ZBTB21: variants seen among roughly 807,000 people sequenced by gnomAD.
The protein encoded by ZBTB21 is zinc finger and BTB domain-containing protein 21.
In ZBTB21, 10 loss-of-function variants were observed where a neutral mutation model predicts 39.8. That is an observed-to-expected ratio of 0.25 (90% CI 0.16 to 0.43). ZBTB21 has a LOEUF of 0.43. Ranked by LOEUF, ZBTB21 falls within the 20% of genes least tolerant of loss-of-function variation. The pLI is 1.00. For missense variants in ZBTB21, 1,221 were observed against 1,296.3 expected (o/e 0.94, Z 0.89); for synonymous variants, 551 against 498.8 (o/e 1.10, Z -1.40).
chr21:41,993,350 C>T lies in ZBTB21; in HGVS notation c.746G>A (p.Arg249Lys). Residue 249 changes from arginine (R) to lysine (K), a missense_variant, in exon 3 of 3, where the codon AGA (arginine) becomes AAA (lysine). Physicochemically the swap from Arg to Lys is conservative, Grantham distance 26. This residue lies in a region of ZBTB21 where 500 missense variants were observed against 465.6 expected (regional missense o/e 1.07). Coordinates refer to ENST00000310826, the MANE Select transcript of ZBTB21 (RefSeq NM_001098402.2). ...ACCTGGTTTATCATCCATAGCTTCT[C>T]TGTCTTGCAGAGGCTTTGAAGGCAA... ...AVLPSKPLQD[R>K]EAMDDKPGVS... The T allele has an allele frequency of 6.2e-7, 1 of 1,613,796 alleles. No individual in the cohort carries two copies. The highest frequency in any genetic ancestry group is 8.5e-7 in the Non-Finnish European group (1 of 1,179,924).
At chr21:41,996,429 C>T (rs1169656188) in intron 2 of ZBTB21, among the ~76,000 whole-genome samples, 2 of 152,202 alleles carry the variant, frequency 1.3e-5, no homozygotes, top group African/African-American at 4.8e-5. Context: ...GAATTCTGGA[C>T]TTGCACCGGG....
intron 1 of ZBTB21, among the ~76,000 whole-genome samples, chr21:42,006,212 C>T (rs182788664): frequency 7.3e-4 from 111 of 152,074 alleles, no homozygotes; most frequent in African/African-American, 2.6e-3. Flanking sequence ...GTCAGGAGTT[C>T]GAGACCAGCC....
Position 41,994,063 on chromosome 21 carries a change from T to A in ZBTB21, c.33A>T (p.Ala11=). The change falls in exon 3 of 3, where the codon GCA becomes GCT. Residue 11 remains alanine, a synonymous_variant. Transcript: ENST00000310826. The part of the protein sequence containing the change: MEGLLHYINP[A]HAISLLSALN... The stretch of plus-strand genomic sequence containing the variant: ...GGGCACTTAGGAGAGAAATGGCGTG[T>A]GCAGGGTTGATGTAATGCAGTAATC... 6.2e-7 allele frequency: 1 copy of A among 1,608,424 alleles called. No homozygotes were observed.
In ZBTB21 at chr21:41,993,647, A is replaced by G; in HGVS notation, c.449T>C (p.Ile150Thr). 6.2e-7 allele frequency: 1 copy of G among 1,614,232 alleles called. No individual in the cohort carries two copies. The highest frequency in any genetic ancestry group is 1.3e-5 in the African/African-American group (1 of 75,058). Residue 150 changes from isoleucine (I) to threonine (T), a missense_variant, in exon 3 of 3, where the codon ATT becomes ACT. This residue lies in a region of ZBTB21 where 500 missense variants were observed against 465.6 expected (regional missense o/e 1.07). Coordinates refer to ENST00000310826, the MANE Select transcript of ZBTB21 (RefSeq NM_001098402.2). ...DENSSQKRSV[I>T]VCQSRNEAQG... ...CGCTTCGTTTCTACTTTGACAAACA[A>G]TGACACTTCTCTTTTGAGAACTGTT...
rs1339792212 is a variant in ZBTB21 at position 41,987,399 on chromosome 21, C to CA, written c.*3495dup. On this transcript the variant is annotated 3_prime_UTR_variant, in exon 3 of 3. Coordinates refer to ENST00000310826, the MANE Select transcript of ZBTB21 (RefSeq NM_001098402.2). ...CACTGAAAGAGCATATTAAAAATTA[C>CA]AAAAAATTAAACTTCTTAAAGTGCT... The CA allele has an allele frequency of 6.6e-6, 1 of 151,956 alleles. No homozygotes were observed. Among genetic ancestry groups the CA allele is most frequent in the East Asian group, 1.9e-4 (1 of 5,192 alleles). 9.4% of individuals were successfully genotyped at this position (151,956 alleles called of 1,614,324 possible).
intron 1 of ZBTB21, among the ~76,000 whole-genome samples, chr21:42,009,979 T>C (rs2065940774): frequency 6.6e-6 from 1 of 152,194 alleles, no homozygotes; most frequent in Admixed American, 6.5e-5. Flanking sequence ...GAATGGAGCA[T>C]GCGCATTCGC....
At chr21:42,000,593 CA>C (rs2065806213) in intron 2 of ZBTB21, among the ~76,000 whole-genome samples, 1 of 152,180 alleles carries the variant, frequency 6.6e-6, no homozygotes, top group Non-Finnish European at 1.5e-5. Context: ...GCCAAAAAAG[CA>C]ACATTTGTGT....
intron 1 of ZBTB21, among the ~76,000 whole-genome samples, chr21:42,004,005 T>G (rs112294475): frequency 4.7e-4 from 11 of 23,596 alleles, no homozygotes; most frequent in Non-Finnish European, 8.1e-4. Flanking sequence ...ATCTCACATC[T>G]TTTTTTTTTT....
rs1166673405 is a variant in ZBTB21 at position 41,988,530 on chromosome 21, CAT to C, written c.*2363_*2364del. 5 of 151,894 alleles carry C rather than the reference CAT, an allele frequency of 3.3e-5. No homozygotes were observed. The highest frequency in any genetic ancestry group is 7.2e-5 in the African/African-American group (3 of 41,430). The allele number at this position is 151,894 out of a possible 1,614,324, so 9.4% of individuals were successfully genotyped here. A position where few individuals can be genotyped will look rare whatever the true frequency, so the allele number is the denominator to read the frequency against. ...TACTTCTTAACATTTAAAATAGTTA[CAT>C]GAGTGGAAGCATATTTTTTTTGACC... On this transcript the variant is annotated 3_prime_UTR_variant, in exon 3 of 3. Coordinates refer to ENST00000310826, the MANE Select transcript of ZBTB21 (RefSeq NM_001098402.2).
intron 2 of ZBTB21, among the ~76,000 whole-genome samples, chr21:41,994,361 A>G (rs2065717609): frequency 6.6e-6 from 1 of 152,232 alleles, no homozygotes; most frequent in African/African-American, 2.4e-5. Context: ...TATATCATCA[A>G]AAAGGCTGCC....
chr21:42,008,893 T>C (rs1280011068), intron 1 of ZBTB21, among the ~76,000 whole-genome samples: 2 of 152,220 alleles, frequency 1.3e-5, no homozygotes, highest in East Asian at 3.8e-4. Context: ...TGACTACTAG[T>C]CCTTAGAGAT....
Position 41,991,061 on chromosome 21 carries a change from G to A in ZBTB21, c.3035C>T (p.Thr1012Ile), listed in dbSNP as rs749920367. Residue 1012 changes from threonine to isoleucine, a missense_variant, in exon 3 of 3, where the codon ACT becomes ATT. Transcript: ENST00000310826. The surrounding 1 kb of genome is among the most constrained non-coding windows in gnomAD (Gnocchi z 4.9). Reference sequence around the variant, plus strand: ...CACAAACAGTTTTTCTGTGGCTGGAGTTGGGTTTTCGGACAGGCCTGTGGG... The same window carrying A: ...CACAAACAGTTTTTCTGTGGCTGGAATTGGGTTTTCGGACAGGCCTGTGGG... ...DSPTGLSENP[T>I]PATEKLFVPQ... The A allele has an allele frequency of 1.3e-5, 21 of 1,594,176 alleles. No homozygotes were observed. The African/African-American group carries it at 2.6e-4, about 19-fold the overall frequency.
chr21:42,001,259 C>G (rs2065814249), intron 2 of ZBTB21, among the ~76,000 whole-genome samples: 1 of 152,212 alleles, frequency 6.6e-6, no homozygotes, highest in African/African-American at 2.4e-5. Flanking sequence ...ATCTTCTGAA[C>G]TAGACAGTGT....
Position 41,991,871 on chromosome 21 carries a change from C to T in ZBTB21, c.2225G>A (p.Arg742Gln), listed in dbSNP as rs756776510. Reference sequence around the variant, plus strand: ...GCAGACGGCCGCGTTCCGGCACAGCCGCTCGTGGCTTCCTTGCTCTAGGAG... The same window carrying T: ...GCAGACGGCCGCGTTCCGGCACAGCTGCTCGTGGCTTCCTTGCTCTAGGAG... Reference protein sequence around the residue: ...SSLLEQGSHERLCRNAAVCPY... With the variant: ...SSLLEQGSHEQLCRNAAVCPY... Residue 742 changes from arginine to glutamine, a missense_variant, in exon 3 of 3, where the codon CGG (arginine) becomes CAG (glutamine). Arg to Gln is a conservative substitution (Grantham distance 43). Around this residue, in one of 4 missense-constraint regions of ZBTB21, gnomAD observed 523 missense variants for 542.5 expected, o/e 0.96. Transcript: ENST00000310826. This position sits in a 1 kb window ranked among gnomAD's most constrained non-coding sequence, Gnocchi z 4.9. 8.7e-6 allele frequency: 14 copies of T among 1,614,070 alleles called. No individual in the cohort carries two copies. Among genetic ancestry groups the T allele is most frequent in the East Asian group, 6.7e-5 (3 of 44,894 alleles).
Position 41,992,885 on chromosome 21 carries a change from G to T in ZBTB21, c.1211C>A (p.Pro404Gln), listed in dbSNP as rs769792057. 6.2e-7 allele frequency: 1 copy of T among 1,614,150 alleles called. No individual in the cohort carries two copies. The highest frequency in any genetic ancestry group is 1.3e-5 in the African/African-American group (1 of 75,016). ...AGCACTAAAGGACCTGAGGCGATGCGGTTGTAGCACTTGAGGCCTGTCATC... is the reference window on the plus strand; with the variant it reads ...AGCACTAAAGGACCTGAGGCGATGCTGTTGTAGCACTTGAGGCCTGTCATC... ...ALDDRPQVLQ[P>Q]HRLRSFSASQ... The change falls in exon 3 of 3, where the codon CCG becomes CAG. Residue 404 changes from proline to glutamine, a missense_variant. By Grantham distance (76) the Pro-to-Gln change is moderately conservative (BLOSUM62 -1). Transcript: ENST00000310826. The surrounding 1 kb of genome is among the most constrained non-coding windows in gnomAD (Gnocchi z 4.1).
chr21:41,998,835 C>T (rs1046033170), intron 2 of ZBTB21, among the ~76,000 whole-genome samples: 1 of 152,194 alleles, frequency 6.6e-6, no homozygotes, highest in Non-Finnish European at 1.5e-5. Flanking sequence ...ATGCCTTTAG[C>T]CTGTCCACAA....
chr21:42,002,153 C>T (rs1322573330), intron 2 of ZBTB21, among the ~76,000 whole-genome samples: 1 of 152,176 alleles, frequency 6.6e-6, no homozygotes, highest in African/African-American at 2.4e-5. Flanking sequence ...CTCTAGATGT[C>T]TAGATAGGAG....
chr21:42,006,633 A>G lies in ZBTB21; in HGVS notation c.-79+3619T>C, dbSNP rs540919851. Reference sequence around the variant, plus strand: ...CCTTTCAAAGCTCAGGTCAAGTTCCAGCTACTCCATAAAATCTTCCATTAT... The same window carrying G: ...CCTTTCAAAGCTCAGGTCAAGTTCCGGCTACTCCATAAAATCTTCCATTAT... On this transcript the variant is annotated intron_variant, in intron 1 of 2. Transcript: ENST00000310826. 2.0e-5 allele frequency among the ~76,000 whole-genome samples: 3 copies of G among 152,250 alleles called. No individual in the cohort carries two copies. The East Asian group carries it at 5.8e-4, about 29-fold the overall frequency.
Position 42,002,895 on chromosome 21 carries a change from A to G in ZBTB21, c.-14+2T>C, listed in dbSNP as rs1212117663. ...TTTCTAAAATAGGGCCGGCTTGCTT[A>G]CCACTTTGATCCTCGCACACAAATA... On this transcript the variant is annotated splice_donor_variant, in intron 2 of 2. Transcript: ENST00000310826. LOFTEE classifies it low-confidence loss of function (5UTR_SPLICE). The G allele has an allele frequency of 1.3e-5, 2 of 152,258 alleles. No individual in the cohort carries two copies. Among genetic ancestry groups the G allele is most frequent in the African/African-American group, 4.8e-5 (2 of 41,472 alleles). 9.4% of individuals were successfully genotyped at this position (152,258 alleles called of 1,614,324 possible).
Sources: allele counts gnomAD v4.1 joint callset (sites outside exome capture counted in the v4.1 genomes callset), GRCh38; gene constraint gnomAD v4.1.1; regional missense constraint gnomAD v4.1.1; non-coding constraint Gnocchi (gnomAD v3.1); transcripts MANE v1.5; gene names NCBI Gene and HGNC (gene_info 2026-07-23, HGNC 2026-07-21).